The following RFX7 variants were observed in gnomAD, a reference collection of about 807,000 sequenced individuals.
RFX7 encodes regulatory factor X7.
A neutral mutation model predicts 111.8 loss-of-function variants in RFX7; 26 were observed. The observed-to-expected ratio is 0.23, with a 90% confidence interval of 0.17 to 0.32. The LOEUF is 0.32. RFX7 is among the 10% of genes least tolerant of loss of function. The pLI, the probability that RFX7 is intolerant of heterozygous loss-of-function variation, is 1.00. For synonymous variants in RFX7, 624 were observed against 624.4 expected (o/e 1.00, Z 0.01); for missense variants, 1,573 against 1,772.9 (o/e 0.89, Z 2.02).
intron 3 of RFX7, among the ~76,000 whole-genome samples, chr15:56,150,591 A>C (rs1315828808): frequency 6.6e-6 from 1 of 152,212 alleles, no homozygotes. Flanking sequence ...AAGGTAGATA[A>C]ATCCACAAAG....
At chr15:56,159,540 A>G (rs2042696474) in intron 3 of RFX7, among the ~76,000 whole-genome samples, 3 of 152,210 alleles carry the variant, frequency 2.0e-5, no homozygotes, top group Non-Finnish European at 4.4e-5. Context: ...GAAGTTAGTA[A>G]ATATTTCTGA....
chr15:56,202,323 G>T (rs2043200643), intron 2 of RFX7, among the ~76,000 whole-genome samples: 1 of 152,156 alleles, frequency 6.6e-6, no homozygotes, highest in African/African-American at 2.4e-5. Flanking sequence ...GATATGCAAT[G>T]AATATAAATA....
chr15:56,097,363 G>T (rs1169398577), intron 9 of RFX7, among the ~76,000 whole-genome samples: 1 of 151,948 alleles, frequency 6.6e-6, no homozygotes, highest in Non-Finnish European at 1.5e-5. Flanking sequence ...GATAAGCCAC[G>T]GATAGGCCTA....
At chr15:56,122,867 G>A (rs1456976549) in intron 5 of RFX7, among the ~76,000 whole-genome samples, 5 of 152,058 alleles carry the variant, frequency 3.3e-5, no homozygotes, top group African/African-American at 1.2e-4. Context: ...AAGGCCCAAG[G>A]GCTCTCCAGT....
At position 56,089,715 on chromosome 15, in the gene RFX7, G is replaced by C. The variant is rs796959211; in HGVS notation, c.*3630C>G. On this transcript the variant is annotated 3_prime_UTR_variant, in exon 10 of 10. Transcript: ENST00000559447. Reference sequence around the variant, plus strand: ...TTGAGTGACTGATTGCCTTTCTTGGGATTAGTTTTTCTTCAAGTACTTTTG... The same window carrying C: ...TTGAGTGACTGATTGCCTTTCTTGGCATTAGTTTTTCTTCAAGTACTTTTG... 3.4e-3 allele frequency: 30 copies of C among 8,852 alleles called. 1 individual carries two copies. The highest frequency in any genetic ancestry group is 6.0e-3 in the Non-Finnish European group (1 of 166). The allele number at this position is 8,852 out of a possible 1,614,324, so 0.5% of individuals were successfully genotyped here. A position where few individuals can be genotyped will look rare whatever the true frequency, so the allele number is the denominator to read the frequency against.
At chr15:56,170,219 C>T (rs985290544) in intron 3 of RFX7, among the ~76,000 whole-genome samples, 5 of 152,036 alleles carry the variant, frequency 3.3e-5, no homozygotes, top group African/African-American at 1.2e-4. Flanking sequence ...TTATAACTAC[C>T]ATAAAGGTTA....
At chr15:56,238,474 G>T (rs1318478193) in intron 2 of RFX7, among the ~76,000 whole-genome samples, 4 of 152,078 alleles carry the variant, frequency 2.6e-5, no homozygotes, top group Non-Finnish European at 1.5e-5. Context: ...TAAAGATAAG[G>T]AACTCTGACC....
chr15:56,243,483 G>A lies in RFX7; in HGVS notation c.-41C>T, dbSNP rs1172662451. The A allele has an allele frequency of 2.7e-5, 27 of 984,980 alleles. No homozygotes were observed. The African/African-American group carries it at 3.3e-4, about 12-fold the overall frequency. 61.0% of individuals were successfully genotyped at this position (984,980 alleles called of 1,614,324 possible). On this transcript the variant is annotated 5_prime_UTR_variant, in exon 1 of 10. Transcript: ENST00000559447. The stretch of plus-strand genomic sequence containing the variant: ...TGAGTCGCTTTCGCCTGCCGCCTGG[G>A]GAACATCACCGGGGAGACCAGCGGC...
intron 2 of RFX7, among the ~76,000 whole-genome samples, chr15:56,189,144 T>C (rs1382659698): frequency 6.6e-6 from 1 of 152,152 alleles, no homozygotes; most frequent in Non-Finnish European, 1.5e-5. Flanking sequence ...AAAAAGGCTT[T>C]GGGAAGCCAA....
rs1373814990 is a variant in RFX7 at position 56,090,899 on chromosome 15, T to C, written c.*2446A>G. 1 of 152,604 alleles carries C rather than the reference T, an allele frequency of 6.6e-6. No homozygotes were observed. Among genetic ancestry groups the C allele is most frequent in the Non-Finnish European group, 1.5e-5 (1 of 68,008 alleles). The allele number at this position is 152,604 out of a possible 1,614,324, so 9.5% of individuals were successfully genotyped here. A position where few individuals can be genotyped will look rare whatever the true frequency, so the allele number is the denominator to read the frequency against. On this transcript the variant is annotated 3_prime_UTR_variant, in exon 10 of 10. Transcript: ENST00000559447. ...GTTTTATGATAAACAGTATGCAAAA[T>C]GTTTTAAACATCAAAACAATAAAAA...
intron 5 of RFX7, among the ~76,000 whole-genome samples, chr15:56,140,258 A>T (rs1423515828): frequency 1.3e-5 from 2 of 152,174 alleles, no homozygotes; most frequent in Admixed American, 1.3e-4. Flanking sequence ...CTGTGCTAGC[A>T]ATCAGTGAGA....
intron 3 of RFX7, among the ~76,000 whole-genome samples, chr15:56,156,303 A>T (rs1255800015): frequency 1.3e-5 from 2 of 152,162 alleles, no homozygotes; most frequent in African/African-American, 4.8e-5. Context: ...TAAAAATTAA[A>T]ACTACAAAGT....
At position 56,090,122 on chromosome 15, in the gene RFX7, AT is replaced by A. The variant is rs2041578185; in HGVS notation, c.*3222del. 1 of 152,130 alleles carries A rather than the reference AT, an allele frequency of 6.6e-6. No individual in the cohort carries two copies. Among genetic ancestry groups the A allele is most frequent in the Non-Finnish European group, 1.5e-5 (1 of 68,010 alleles). The allele number at this position is 152,130 out of a possible 1,614,324, so 9.4% of individuals were successfully genotyped here. On this transcript the variant is annotated 3_prime_UTR_variant, in exon 10 of 10. Coordinates refer to ENST00000559447, the MANE Select transcript of RFX7 (RefSeq NM_022841.7). ...AATTCATTACACTTATCAGTTTGTT[AT>A]TTCTGGTACCTGGAAATGTCTATAC...
At chr15:56,102,057 T>C (rs1293791895) in intron 7 of RFX7, 112 bp downstream of exon 7, 1 of 744,800 alleles carries the variant, frequency 1.3e-6, no homozygotes, top group East Asian at 2.7e-5. Flanking sequence ...TTTTTCTTAT[T>C]TGTAAAAGGC....
In RFX7 at chr15:56,173,320, A is replaced by C. The variant is rs1251179271; in HGVS notation, c.195+5950T>G. Among the ~76,000 whole-genome samples the C allele has an allele frequency of 2.6e-5, 4 of 152,326 alleles. No individual in the cohort carries two copies. The East Asian group carries it at 7.7e-4, about 29-fold the overall frequency. ...GTTCTGCTGAAACAAACTTCAATAC[A>C]CTTTAAAGGAAGAGAAGAACAAACT... is the stretch of plus-strand genomic sequence containing the variant. On this transcript the variant is annotated intron_variant, in intron 3 of 9. Coordinates refer to ENST00000559447, the MANE Select transcript of RFX7 (RefSeq NM_022841.7).
intron 3 of RFX7, among the ~76,000 whole-genome samples, chr15:56,161,761 A>G (rs1384525451): frequency 6.6e-6 from 1 of 152,096 alleles, no homozygotes; most frequent in Non-Finnish European, 1.5e-5. Context: ...CAAAGTAAGA[A>G]CCAAATGAAA....
chr15:56,110,287 C>T (rs1251371851), intron 5 of RFX7, among the ~76,000 whole-genome samples: 1 of 100,212 alleles, frequency 1.0e-5, no homozygotes, highest in Non-Finnish European at 2.2e-5. Context: ...CAGCCCCCCG[C>T]CTGGCCAGCC....
At chr15:56,189,336 T>C (rs1464682255) in intron 2 of RFX7, among the ~76,000 whole-genome samples, 1 of 152,098 alleles carries the variant, frequency 6.6e-6, no homozygotes, top group African/African-American at 2.4e-5. Context: ...GCTCTGATCA[T>C]GTTACTGCAA....
chr15:56,127,695 G>A (rs1052804842), intron 5 of RFX7, among the ~76,000 whole-genome samples: 3 of 151,616 alleles, frequency 2.0e-5, no homozygotes, highest in Admixed American at 1.3e-4. Context: ...CTACAGGCGC[G>A]CGCCACCATG....
Sources: gnomAD v4.1 joint callset for allele counts (sites outside exome capture counted in the v4.1 genomes callset) on GRCh38, gnomAD v4.1.1 for gene constraint, MANE v1.5 for transcripts, NCBI Gene and HGNC (gene_info 2026-07-23, HGNC 2026-07-21) for gene names.